The following ANGEL2 variants were observed in gnomAD, a reference collection of about 807,000 sequenced individuals.
ANGEL2 encodes the protein RNA 2',3'-cyclic phosphatase ANGEL2.
A neutral mutation model predicts 66.0 loss-of-function variants in ANGEL2; 41 were observed. That is an observed-to-expected ratio of 0.62 (90% CI 0.48 to 0.81). The LOEUF (loss-of-function observed/expected upper bound fraction) is 0.81. Among genes scored for constraint, ANGEL2 ranks in the 30% least tolerant of loss-of-function variants. The pLI, the probability that ANGEL2 is intolerant of heterozygous loss-of-function variation, is 0.00. For missense variants in ANGEL2, 561 were observed against 641.6 expected (o/e 0.87, Z 1.36); for synonymous variants, 208 against 226.5 (o/e 0.92, Z 0.73).
intron 8 of ANGEL2, among the ~76,000 whole-genome samples, chr1:212,996,278 G>A (rs1203519874): frequency 6.6e-6 from 1 of 152,112 alleles, no homozygotes; most frequent in Non-Finnish European, 1.5e-5. Flanking sequence ...CTGCACTCCA[G>A]CCTGGGCGAC....
At chr1:213,006,798 T>C (rs542909503) in intron 4 of ANGEL2, 3 of 248,412 alleles carry the variant, frequency 1.2e-5, no homozygotes, top group Non-Finnish European at 2.3e-5. Context: ...TTTTCCTCTT[T>C]GAAATTAAGT....
intron 2 of ANGEL2, among the ~76,000 whole-genome samples, chr1:213,008,850 T>C (rs540313961): frequency 1.3e-4 from 20 of 152,264 alleles, no homozygotes; most frequent in Non-Finnish European, 2.8e-4. Flanking sequence ...ATGTCAAAGT[T>C]GGCTTTTCAA....
chr1:213,001,258 G>A (rs910243456), intron 5 of ANGEL2: 1 of 235,032 alleles, frequency 4.3e-6, no homozygotes, highest in African/African-American at 2.4e-5. Context: ...GGTACTGCGG[G>A]TTTGGTTTCA....
rs1225383435 is a variant in ANGEL2, at chr1:212,993,314, TAAA to T, written c.*1724_*1726del. On this transcript the variant is annotated 3_prime_UTR_variant, in exon 9 of 9. Coordinates refer to ENST00000366962, the MANE Select transcript of ANGEL2 (RefSeq NM_144567.5). ...ATAGCGTGAGACACCATCTAAAAAA[TAAA>T]AAAATAAAAACCCCCCAAAATGAGA... 1.3e-5 allele frequency: 2 copies of T among 151,900 alleles called. No individual in the cohort carries two copies. The highest frequency in any genetic ancestry group is 2.4e-5 in the African/African-American group (1 of 41,450). The allele number at this position is 151,900 out of a possible 1,614,324, so 9.4% of individuals were successfully genotyped here.
In ANGEL2 at chr1:212,997,271, G is replaced by A; in HGVS notation, c.1367C>T (p.Ser456Leu). ...QHHFSLSSVYSHYFPDTGIPE... is the reference protein window; with the variant it reads ...QHHFSLSSVYLHYFPDTGIPE... ...AATTCCAGTGTCAGGAAAGTAATGT[G>A]AATAAACAGATGACAAACTGAAATG... Residue 456 changes from serine (S) to leucine (L), a missense_variant, in exon 8 of 9, where the codon TCA (serine) becomes TTA (leucine). By Grantham distance (145) the Ser-to-Leu change is moderately radical (BLOSUM62 -2). Transcript: ENST00000366962. 1 of 1,612,632 alleles carries A rather than the reference G, an allele frequency of 6.2e-7. No individual in the cohort carries two copies. The highest frequency in any genetic ancestry group is 1.1e-5 in the South Asian group (1 of 90,954).
At chr1:213,000,115 C>T (rs3738806) in intron 7 of ANGEL2, among the ~76,000 whole-genome samples, 69,754 of 152,028 alleles carry the variant, frequency 0.46, 19,922 homozygotes, top group Non-Finnish European at 0.63. Context: ...GAAACTGAAC[C>T]TCAGAGATGT....
rs1283776903 is a variant in ANGEL2, at chr1:212,992,405, G to C, written c.*2636C>G. 3 of 152,196 alleles carry C rather than the reference G, an allele frequency of 2.0e-5. No individual in the cohort carries two copies. The highest frequency in any genetic ancestry group is 4.4e-5 in the Non-Finnish European group (3 of 68,048). The allele number at this position is 152,196 out of a possible 1,614,324, so 9.4% of individuals were successfully genotyped here. ...AAAACCAAAATTTCATTACTCCACA[G>C]TTTACCTTTCCATTTAAAACTTGGA... is the stretch of plus-strand genomic sequence containing the variant. On this transcript the variant is annotated 3_prime_UTR_variant, in exon 9 of 9. Coordinates refer to ENST00000366962, the MANE Select transcript of ANGEL2 (RefSeq NM_144567.5).
chr1:213,011,103 A>G, intron 2 of ANGEL2: 4 of 1,133,088 alleles, frequency 3.5e-6, no homozygotes, highest in Non-Finnish European at 4.7e-6. Flanking sequence ...GTGTTCAAAT[A>G]TGAGGGTTCC....
chr1:212,999,256 C>T (rs974758665), intron 7 of ANGEL2, among the ~76,000 whole-genome samples: 4 of 152,152 alleles, frequency 2.6e-5, no homozygotes, highest in African/African-American at 7.2e-5. Context: ...TCAAGCAATC[C>T]TCCCGCCCTG....
rs554914165 is a variant in ANGEL2 at position 212,996,429 on chromosome 1, C to G, written c.1483+726G>C. On this transcript the variant is annotated intron_variant, in intron 8 of 8. Coordinates refer to ENST00000366962, the MANE Select transcript of ANGEL2 (RefSeq NM_144567.5). ...TTGAGCCCAGGAGTTTGAGACCAGC[C>G]TGGGCAACACGGTGAAACCCTGTCT... Among the ~76,000 whole-genome samples the G allele has an allele frequency of 2.6e-5, 4 of 151,524 alleles. No individual in the cohort carries two copies. In the East Asian group the frequency reaches 7.8e-4, roughly 30 times the overall value.
chr1:213,015,042 G>T (rs1018434884), intron 1 of ANGEL2: 1 of 895,132 alleles, frequency 1.1e-6, no homozygotes, highest in Non-Finnish European at 1.3e-6. Context: ...AAAAAAAACT[G>T]AGTCAATTTA....
In ANGEL2 at chr1:213,005,166, C is replaced by A. The variant is rs779576156; in HGVS notation, c.1001G>T (p.Ser334Ile). 1 of 1,614,232 alleles carries A rather than the reference C, an allele frequency of 6.2e-7. No individual in the cohort carries two copies. Among genetic ancestry groups the A allele is most frequent in the South Asian group, 1.1e-5 (1 of 91,086 alleles). Residue 334 changes from serine (S) to isoleucine (I), a missense_variant, in exon 5 of 9, where the codon AGT becomes ATT. Physicochemically the swap from Ser to Ile is moderately radical, Grantham distance 142. Transcript: ENST00000366962. ...GCTGCCATCTTTCTGGTGGGCAACA[C>A]TGGAAATCTCTGCCAGTAGCATTGC... is the stretch of plus-strand genomic sequence containing the variant. ...QLAMLLAEIS[S>I]VAHQKDGSFC...
intron 2 of ANGEL2, among the ~76,000 whole-genome samples, chr1:213,009,951 TGAAGCCAGA>T (rs375279327): frequency 6.0e-5 from 9 of 149,374 alleles, no homozygotes; most frequent in African/African-American, 2.2e-4. Flanking sequence ...CTCAGGAGGC[TGAAGCCAGA>T]GAATCGCTGT....
In ANGEL2 at chr1:213,014,836, C is replaced by T. The variant is rs373863342; in HGVS notation, c.59+777G>A. Among the ~76,000 whole-genome samples the T allele has an allele frequency of 1.3e-4, 20 of 152,330 alleles. No homozygotes were observed. In the East Asian group the frequency reaches 3.3e-3, roughly 25 times the overall value. ...AATCCCCATCGCTTATGTAATAATA[C>T]ATGCTGTGTTTCCCAAGCGTGGTGG... On this transcript the variant is annotated intron_variant, in intron 1 of 8. Coordinates refer to ENST00000366962, the MANE Select transcript of ANGEL2 (RefSeq NM_144567.5).
intron 5 of ANGEL2, 114 bp from the exon 6 acceptor site, chr1:213,001,026 A>G (rs1341353905): frequency 1.5e-5 from 14 of 956,118 alleles, no homozygotes; most frequent in Non-Finnish European, 2.0e-5. Flanking sequence ...ATTACCCTTT[A>G]TTCATTGTAT....
rs964788401 is a variant in ANGEL2, at chr1:213,015,837, A to T, written c.-166T>A. ...GGTGCAGTCTCGCCGGCCGGCCTAC[A>T]CTCCATCTTGCGCAGTCAGAGTCCC... On this transcript the variant is annotated 5_prime_UTR_variant, in exon 1 of 9. Coordinates refer to ENST00000366962, the MANE Select transcript of ANGEL2 (RefSeq NM_144567.5). 2.5e-6 allele frequency: 2 copies of T among 812,850 alleles called. No individual in the cohort carries two copies. Among genetic ancestry groups the T allele is most frequent in the African/African-American group, 1.7e-5 (1 of 58,600 alleles). 50.4% of individuals were successfully genotyped at this position (812,850 alleles called of 1,614,324 possible). A position where few individuals can be genotyped will look rare whatever the true frequency, so the allele number is the denominator to read the frequency against.
Position 212,997,324 on chromosome 1 carries a change from TAGAAA to T in ANGEL2, c.1320-11_1320-7del, listed in dbSNP as rs2076053135. 1 of 1,598,506 alleles carries T rather than the reference TAGAAA, an allele frequency of 6.3e-7. No homozygotes were observed. Among genetic ancestry groups the T allele is most frequent in the African/African-American group, 1.3e-5 (1 of 74,846 alleles). On this transcript the variant is annotated splice_polypyrimidine_tract_variant and splice_region_variant and intron_variant, in intron 7 of 8. Coordinates refer to ENST00000366962, the MANE Select transcript of ANGEL2 (RefSeq NM_144567.5). Reference sequence around the variant, plus strand: ...GCTGTAAATTTGAAGACAATCTAAATAGAAAAGAAGAAGTGTTTAGAATCCGAGTT... The same window carrying T: ...GCTGTAAATTTGAAGACAATCTAAATAGAAGAAGTGTTTAGAATCCGAGTT...
At chr1:212,997,486 T>C (rs1452083043) in intron 7 of ANGEL2, among the ~76,000 whole-genome samples, 168 bp from the exon 8 acceptor site, 1 of 152,222 alleles carries the variant, frequency 6.6e-6, no homozygotes, top group African/African-American at 2.4e-5. Context: ...TATGCAGTGA[T>C]ATCTAAAACC....
chr1:213,005,163 A>G lies in ANGEL2; in HGVS notation c.1004T>C (p.Val335Ala). ...LAMLLAEISS[V>A]AHQKDGSFCP... ...GAAGCTGCCATCTTTCTGGTGGGCA[A>G]CACTGGAAATCTCTGCCAGTAGCAT... The change falls in exon 5 of 9, where the codon GTT (valine) becomes GCT (alanine). Residue 335 changes from valine (V) to alanine (A), a missense_variant. Coordinates refer to ENST00000366962, the MANE Select transcript of ANGEL2 (RefSeq NM_144567.5). The G allele has an allele frequency of 1.9e-6, 3 of 1,614,246 alleles. No individual in the cohort carries two copies. The highest frequency in any genetic ancestry group is 2.5e-6 in the Non-Finnish European group (3 of 1,180,044).
Sources: gnomAD v4.1 joint callset for allele counts (sites outside exome capture counted in the v4.1 genomes callset) on GRCh38, gnomAD v4.1.1 for gene constraint, MANE v1.5 for transcripts, NCBI Gene and HGNC (gene_info 2026-07-23, HGNC 2026-07-21) for gene names.